CSMD1: variants seen among roughly 807,000 people sequenced by gnomAD.
CSMD1 encodes CUB and Sushi multiple domains 1, also known as CUB and sushi domain-containing protein 1.
Under a neutral mutation model 417.5 loss-of-function variants are expected in CSMD1, and 213 were observed. The observed-to-expected ratio is 0.51, with a 90% CI of 0.46 to 0.57. The LOEUF (loss-of-function observed/expected upper bound fraction) is 0.57. CSMD1 is among the 20% of genes least tolerant of loss of function. The pLI is 0.00. For missense variants in CSMD1, 6,923 were observed against 4,529.7 expected (o/e 1.53, Z -15.17); for synonymous variants, 2,862 against 1,736.8 (o/e 1.65, Z -16.11).
At chr8:4,943,785 G>T (rs1339168319) in intron 1 of CSMD1, among the ~76,000 whole-genome samples, 1 of 152,100 alleles carries the variant, frequency 6.6e-6, no homozygotes, top group Non-Finnish European at 1.5e-5. Flanking sequence ...AAAATTGCAT[G>T]TTAGAAAAAA....
chr8:3,787,779 G>T (rs17067544), intron 5 of CSMD1, among the ~76,000 whole-genome samples: 1 of 152,184 alleles, frequency 6.6e-6, no homozygotes, highest in East Asian at 1.9e-4. Flanking sequence ...ATACAAGCTA[G>T]GAACTGGCAC....
chr8:4,288,481 A>C (rs1158493074), intron 3 of CSMD1, among the ~76,000 whole-genome samples: 3 of 152,170 alleles, frequency 2.0e-5, no homozygotes, highest in Admixed American at 6.5e-5. Context: ...CGATGAGGCT[A>C]TGGGTAATCC....
intron 2 of CSMD1, among the ~76,000 whole-genome samples, chr8:4,605,704 A>G (rs1316939724): frequency 6.6e-6 from 1 of 152,166 alleles, no homozygotes; most frequent in East Asian, 1.9e-4. Context: ...TAGAATGCAT[A>G]AAAAGAATGG....
At chr8:4,619,460 T>G (rs1801650825) in intron 2 of CSMD1, among the ~76,000 whole-genome samples, 1 of 152,126 alleles carries the variant, frequency 6.6e-6, no homozygotes. Flanking sequence ...GCTAGTGTAG[T>G]AGAAGTAGCA....
chr8:3,934,962 C>G (rs987272047), intron 5 of CSMD1, among the ~76,000 whole-genome samples: 1 of 152,002 alleles, frequency 6.6e-6, no homozygotes, highest in Non-Finnish European at 1.5e-5. Flanking sequence ...TTACAAAAAA[C>G]TAACCAGGCA....
At position 4,113,390 on chromosome 8, in the gene CSMD1, CT is replaced by C. The variant is rs59647790; in HGVS notation, c.416-81292del. Among the ~76,000 whole-genome samples, 487 of 81,156 alleles carry C rather than the reference CT, an allele frequency of 6.0e-3. 3 individuals carry two copies. Among genetic ancestry groups the C allele is most frequent in the African/African-American group, 0.011 (216 of 19,056 alleles). The allele number at this position is 81,156 out of a possible 152,430, so 53.2% of individuals were successfully genotyped here. On this transcript the variant is annotated intron_variant, in intron 3 of 69. Transcript: ENST00000635120. ...ATGTTCTTCAAGGAAAATAAAAGGG[CT>C]TTTTTTTTTTTTTTTTTTTTTTTTT...
intron 41 of CSMD1, among the ~76,000 whole-genome samples, chr8:3,120,666 G>A (rs528338824): frequency 5.4e-4 from 82 of 151,016 alleles, no homozygotes; most frequent in Middle Eastern, 3.4e-3. Context: ...GAACAACATG[G>A]TGAAACCCTG....
chr8:4,372,010 G>C (rs533918829), intron 3 of CSMD1, among the ~76,000 whole-genome samples: 2 of 152,274 alleles, frequency 1.3e-5, no homozygotes, highest in African/African-American at 4.8e-5. Flanking sequence ...AGAGTTCAAA[G>C]GTTCAGCACG....
At chr8:3,897,297 C>G (rs563106982) in intron 5 of CSMD1, among the ~76,000 whole-genome samples, 7 of 152,268 alleles carry the variant, frequency 4.6e-5, no homozygotes, top group African/African-American at 1.7e-4. Context: ...CACTTAAGAG[C>G]TGTGTGCAGG....
intron 3 of CSMD1, among the ~76,000 whole-genome samples, chr8:4,222,978 G>T (rs777497166): frequency 1.3e-5 from 2 of 152,084 alleles, no homozygotes; most frequent in Non-Finnish European, 2.9e-5. Flanking sequence ...GCTTTGAGAA[G>T]CTGAAGTTAG....
chr8:4,408,516 C>T (rs566369415), intron 3 of CSMD1, among the ~76,000 whole-genome samples: 9 of 152,296 alleles, frequency 5.9e-5, no homozygotes, highest in African/African-American at 1.7e-4. Flanking sequence ...AGCTTCTAAA[C>T]AATTCTTGGA....
chr8:4,383,226 G>A (rs1283694449), intron 3 of CSMD1, among the ~76,000 whole-genome samples: 1 of 152,158 alleles, frequency 6.6e-6, no homozygotes, highest in Non-Finnish European at 1.5e-5. Context: ...GTTAATGGTG[G>A]TTTTGGAAGT....
intron 3 of CSMD1, among the ~76,000 whole-genome samples, chr8:4,321,568 A>T (rs1799276916): frequency 6.6e-6 from 1 of 152,150 alleles, no homozygotes; most frequent in Non-Finnish European, 1.5e-5. Flanking sequence ...AACAGACAAT[A>T]AATGGTGTGA....
intron 7 of CSMD1, among the ~76,000 whole-genome samples, chr8:3,678,918 T>A (rs1268702040): frequency 1.3e-5 from 2 of 152,102 alleles, no homozygotes; most frequent in African/African-American, 4.8e-5. Flanking sequence ...CAACCCAGAA[T>A]TTCATATCCA....
intron 1 of CSMD1, among the ~76,000 whole-genome samples, chr8:4,835,765 G>A (rs950681299): frequency 3.3e-5 from 5 of 151,480 alleles, no homozygotes; most frequent in African/African-American, 7.3e-5. Flanking sequence ...GCTAGGTACT[G>A]CAGCTGCAAA....
At chr8:4,804,829 C>G (rs1397569977) in intron 1 of CSMD1, among the ~76,000 whole-genome samples, 1 of 152,180 alleles carries the variant, frequency 6.6e-6, no homozygotes, top group Admixed American at 6.5e-5. Context: ...ATTACTGATA[C>G]TATTTAACAA....
chr8:3,565,739 G>T (rs1172819360), intron 10 of CSMD1, among the ~76,000 whole-genome samples: 1 of 152,170 alleles, frequency 6.6e-6, no homozygotes, highest in East Asian at 1.9e-4. Context: ...ACTAGCAGTT[G>T]TTCATTAAGA....
In CSMD1 at chr8:3,643,875, C is replaced by T. The variant is rs192646440; in HGVS notation, c.1010-27078G>A. 3.8e-3 allele frequency among the ~76,000 whole-genome samples: 581 copies of T among 152,210 alleles called. 5 individuals are homozygous for T. Among genetic ancestry groups the T allele is most frequent in the African/African-American group, 0.013 (554 of 41,518 alleles). On this transcript the variant is annotated intron_variant, in intron 7 of 69. Transcript: ENST00000635120. ...AATTAGCTTAATGAATTAGTTAATA[C>T]ACTTGATTTGATTTGCTATCTGGGC...
At chr8:4,064,606 G>A (rs1017177417) in intron 3 of CSMD1, among the ~76,000 whole-genome samples, 1 of 152,152 alleles carries the variant, frequency 6.6e-6, no homozygotes, top group Non-Finnish European at 1.5e-5. Flanking sequence ...TCCGAACGTG[G>A]CAAGGCTCCC....
Sources: allele counts gnomAD v4.1 joint callset (sites outside exome capture counted in the v4.1 genomes callset), GRCh38; gene constraint gnomAD v4.1.1; transcripts MANE v1.5; gene names NCBI Gene and HGNC (gene_info 2026-07-23, HGNC 2026-07-21).